Variants in GPC5 observed in about 807,000 individuals in gnomAD.
GPC5 encodes glypican-5.
A neutral mutation model predicts 53.9 loss-of-function variants in GPC5; 47 were observed. The ratio of observed to expected loss-of-function variants is 0.87; its 90% CI spans 0.69 to 1.11. The LOEUF (loss-of-function observed/expected upper bound fraction) is 1.11, where lower values mean the gene tolerates loss of function less well. GPC5 is among the 50% of genes most tolerant of loss of function. The pLI is 0.00. For synonymous variants in GPC5, 286 were observed against 263.3 expected, an observed-to-expected ratio of 1.09 and a Z score of -0.84; for missense variants, 748 against 713.1, an observed-to-expected ratio of 1.05 and a Z score of -0.56.
intron 7 of GPC5, among the ~76,000 whole-genome samples, chr13:92,165,168 T>G (rs183817269): frequency 1.3e-5 from 2 of 152,220 alleles, no homozygotes; most frequent in African/African-American, 4.8e-5. Flanking sequence ...TCATTACTTG[T>G]GCAAATTTCT....
chr13:91,983,723 A>G (rs1421299005), intron 6 of GPC5, among the ~76,000 whole-genome samples: 1 of 152,178 alleles, frequency 6.6e-6, no homozygotes, highest in Non-Finnish European at 1.5e-5. Context: ...ACGGGGAGTG[A>G]CATTTTCAAA....
intron 7 of GPC5, among the ~76,000 whole-genome samples, chr13:92,659,499 T>C (rs547462729): frequency 6.6e-6 from 1 of 151,566 alleles, no homozygotes; most frequent in Admixed American, 6.6e-5. Flanking sequence ...GAAAGAAAAC[T>C]CTGAGGAACA....
chr13:92,170,547 T>A (rs542479188), intron 7 of GPC5, among the ~76,000 whole-genome samples: 6 of 146,714 alleles, frequency 4.1e-5, no homozygotes, highest in African/African-American at 1.5e-4. Context: ...TGCCTCAGCC[T>A]CCTGAGTGGC....
intron 4 of GPC5, among the ~76,000 whole-genome samples, chr13:91,750,750 G>A (rs1594519677): frequency 8.0e-6 from 1 of 125,156 alleles, no homozygotes. Context: ...GCGCCATCTT[G>A]GCTCACCACA....
intron 2 of GPC5, among the ~76,000 whole-genome samples, chr13:91,624,613 TA>T (rs1024374227): frequency 2.0e-5 from 3 of 152,024 alleles, no homozygotes; most frequent in Non-Finnish European, 2.9e-5. Flanking sequence ...CTATAAAAAT[TA>T]ATCAACCATA....
intron 7 of GPC5, among the ~76,000 whole-genome samples, chr13:92,648,971 G>A (rs1293747562): frequency 6.6e-6 from 1 of 152,074 alleles, no homozygotes; most frequent in East Asian, 1.9e-4. Flanking sequence ...ATAATAACCA[G>A]CTAGAACCTT....
At chr13:92,859,814 CA>C (rs1205761466) in intron 7 of GPC5, among the ~76,000 whole-genome samples, 1 of 152,046 alleles carries the variant, frequency 6.6e-6, no homozygotes, top group East Asian at 1.9e-4. Context: ...TATGTTCTTT[CA>C]AAATCAGATG....
chr13:92,659,515 T>C (rs1437157988), intron 7 of GPC5, among the ~76,000 whole-genome samples: 1 of 151,910 alleles, frequency 6.6e-6, no homozygotes, highest in Admixed American at 6.6e-5. Flanking sequence ...GAACAACTGG[T>C]CCATATATCC....
intron 7 of GPC5, among the ~76,000 whole-genome samples, chr13:92,562,330 G>T (rs1882726878): frequency 6.6e-6 from 1 of 151,996 alleles, no homozygotes; most frequent in Non-Finnish European, 1.5e-5. Context: ...AGAAGTCTGT[G>T]TTCTCCTTCC....
intron 7 of GPC5, among the ~76,000 whole-genome samples, chr13:92,325,139 T>C (rs1047894182): frequency 2.7e-5 from 4 of 147,246 alleles, no homozygotes; most frequent in African/African-American, 9.9e-5. Context: ...CACGTAGGTA[T>C]ATATACACAT....
chr13:92,799,482 T>G (rs1297462234), intron 7 of GPC5, among the ~76,000 whole-genome samples: 1 of 151,810 alleles, frequency 6.6e-6, no homozygotes, highest in African/African-American at 2.4e-5. Context: ...ATGGTGCATG[T>G]GGCATCTGAA....
At chr13:92,529,182 C>G (rs1203085742) in intron 7 of GPC5, among the ~76,000 whole-genome samples, 2 of 151,994 alleles carry the variant, frequency 1.3e-5, no homozygotes, top group African/African-American at 4.8e-5. Flanking sequence ...GATATTTTAA[C>G]AAACAGTTAA....
At chr13:91,981,368 C>T (rs1195728027) in intron 6 of GPC5, among the ~76,000 whole-genome samples, 1 of 151,590 alleles carries the variant, frequency 6.6e-6, no homozygotes, top group East Asian at 2.0e-4. Flanking sequence ...CGGCTCACTG[C>T]AAGCTCCGCC....
chr13:91,475,272 T>C (rs1882864203), intron 2 of GPC5, among the ~76,000 whole-genome samples: 1 of 152,142 alleles, frequency 6.6e-6, no homozygotes, highest in Non-Finnish European at 1.5e-5. Context: ...ACCCTTATAC[T>C]TAAATATATA....
chr13:92,556,663 C>T (rs963735071), intron 7 of GPC5, among the ~76,000 whole-genome samples: 2 of 151,622 alleles, frequency 1.3e-5, no homozygotes, highest in Non-Finnish European at 2.9e-5. Flanking sequence ...GTGTTCAACC[C>T]CTTTTTTTAA....
At chr13:91,767,929 G>T (rs1459601529) in intron 5 of GPC5, among the ~76,000 whole-genome samples, 1 of 152,082 alleles carries the variant, frequency 6.6e-6, no homozygotes, top group East Asian at 1.9e-4. Flanking sequence ...AGTCTTCAAG[G>T]CTCCAGGATG....
intron 4 of GPC5, among the ~76,000 whole-genome samples, chr13:91,739,384 T>C (rs182455109): frequency 1.1e-4 from 16 of 151,596 alleles, no homozygotes; most frequent in Admixed American, 2.0e-4. Context: ...TATTATTTCT[T>C]ATCTATTGCA....
At chr13:92,613,101 G>A (rs1410382274) in intron 7 of GPC5, among the ~76,000 whole-genome samples, 1 of 150,086 alleles carries the variant, frequency 6.7e-6, no homozygotes, top group South Asian at 2.1e-4. Flanking sequence ...ATTAAGGAAG[G>A]CTTTATAGAA....
At chr13:92,232,539 G>A (rs1275211221) in intron 7 of GPC5, among the ~76,000 whole-genome samples, 1 of 152,140 alleles carries the variant, frequency 6.6e-6, no homozygotes, top group Non-Finnish European at 1.5e-5. Context: ...TAATGGATAT[G>A]TATTGGTATA....
Sources: gnomAD v4.1 joint callset for allele counts (sites outside exome capture counted in the v4.1 genomes callset) on GRCh38, gnomAD v4.1.1 for gene constraint, MANE v1.5 for transcripts, NCBI Gene and HGNC (gene_info 2026-07-23, HGNC 2026-07-21) for gene names.